Variants in TSPAN9 observed in about 807,000 individuals in gnomAD.
The protein encoded by TSPAN9 is tetraspanin 9.
In TSPAN9, 16 loss-of-function variants were observed where a neutral mutation model predicts 31.0. The ratio of observed to expected loss-of-function variants is 0.52; its 90% CI spans 0.35 to 0.78. TSPAN9 has a LOEUF of 0.78. Ranked by LOEUF, TSPAN9 falls within the 30% of genes least tolerant of loss-of-function variation. TSPAN9 has a pLI of 0.01. For missense variants in TSPAN9, 272 were observed against 312.5 expected (o/e 0.87, Z 0.98); for synonymous variants, 145 against 121.6 (o/e 1.19, Z -1.27).
chr12:3,136,309 G>A (rs1394687088), intron 2 of TSPAN9, among the ~76,000 whole-genome samples: 1 of 152,204 alleles, frequency 6.6e-6, no homozygotes, highest in Non-Finnish European at 1.5e-5. Context: ...GCTGGCTCCA[G>A]AGTCCCGGGA....
At position 3,089,513 on chromosome 12, in the gene TSPAN9, T is replaced by C. The variant is rs902578479; in HGVS notation, c.-18+5794T>C. On this transcript the variant is annotated intron_variant, in intron 2 of 8. Transcript: ENST00000011898. ...GGTTTTACCGTGTTGGCCAGGGTGG[T>C]CTCGATCTCCTGACCTCGTGATCCG... Among the ~76,000 whole-genome samples, 8 of 151,734 alleles carry C rather than the reference T, an allele frequency of 5.3e-5. 1 individual carries two copies. Among genetic ancestry groups the C allele is most frequent in the Non-Finnish European group, 8.8e-5 (6 of 67,958 alleles).
intron 3 of TSPAN9, among the ~76,000 whole-genome samples, chr12:3,275,237 G>C (rs1311077830): frequency 1.3e-5 from 2 of 152,136 alleles, no homozygotes; most frequent in Non-Finnish European, 2.9e-5. Flanking sequence ...CTCGGAAGGG[G>C]CCCCCCGCTG....
Position 3,278,428 on chromosome 12 carries a change from G to A in TSPAN9, c.71G>A (p.Gly24Asp). 1 of 1,614,152 alleles carries A rather than the reference G, an allele frequency of 6.2e-7. No homozygotes were observed. The highest frequency in any genetic ancestry group is 8.5e-7 in the Non-Finnish European group (1 of 1,180,010). ...GCTTTCCTTCCTTTCCAGCTCTGTG[G>A]CTGTGGGCTGCTGGGAGTGGGCATC... ...FLFNLIFWLC[G>D]CGLLGVGIWL... The change falls in exon 4 of 9, where the codon GGC becomes GAC. Residue 24 changes from glycine to aspartate, a missense_variant. Transcript: ENST00000011898.
At chr12:3,234,347 A>G (rs1205319052) in intron 3 of TSPAN9, among the ~76,000 whole-genome samples, 2 of 152,190 alleles carry the variant, frequency 1.3e-5, no homozygotes, top group African/African-American at 4.8e-5. Flanking sequence ...TCTCAGGTGC[A>G]CTTAACAGCT....
chr12:3,242,164 C>T (rs1040233643), intron 3 of TSPAN9, among the ~76,000 whole-genome samples: 6 of 152,230 alleles, frequency 3.9e-5, no homozygotes, highest in African/African-American at 1.4e-4. Flanking sequence ...TTGTTCCCAG[C>T]AGGGAGAAGC....
chr12:3,282,181 A>G (rs10082966), intron 8 of TSPAN9: 68,995 of 599,874 alleles, frequency 0.12, 4,285 homozygotes, highest in African/African-American at 0.17. Context: ...CACATGGCAC[A>G]CTCTCTGTGG....
At chr12:3,209,675 G>C (rs117144468) in intron 3 of TSPAN9, among the ~76,000 whole-genome samples, 13 of 150,312 alleles carry the variant, frequency 8.6e-5, no homozygotes, top group African/African-American at 2.4e-4. Flanking sequence ...GTTTCTAAGC[G>C]TGGGCCGGGC....
In TSPAN9 at chr12:3,280,315, G is replaced by A; in HGVS notation, c.331-67G>A. On this transcript the variant is annotated intron_variant, in intron 5 of 8. Transcript: ENST00000011898. This position sits in a 1 kb window ranked among gnomAD's most constrained non-coding sequence, Gnocchi z 4.5. Reference sequence around the variant, plus strand: ...TGTCACCCACCATCCTGGGTGACCTGAGGTGGGCTGGAGAGACGAGCTGCG... The same window carrying A: ...TGTCACCCACCATCCTGGGTGACCTAAGGTGGGCTGGAGAGACGAGCTGCG... The A allele has an allele frequency of 6.9e-7, 1 of 1,445,952 alleles. No individual in the cohort carries two copies. The highest frequency in any genetic ancestry group is 9.6e-7 in the Non-Finnish European group (1 of 1,036,678). The allele number at this position is 1,445,952 out of a possible 1,614,324, so 89.6% of individuals were successfully genotyped here. A position where few individuals can be genotyped will look rare whatever the true frequency, so the allele number is the denominator to read the frequency against.
chr12:3,250,565 C>CTCTAGAG (rs1226186348), intron 3 of TSPAN9, among the ~76,000 whole-genome samples: 1 of 152,186 alleles, frequency 6.6e-6, no homozygotes, highest in Non-Finnish European at 1.5e-5. Flanking sequence ...TTCCTCTAGA[C>CTCTAGAG]CTGCCCACAG....
rs1261981828 is a variant in TSPAN9, at chr12:3,168,118, G to A, written c.-17-33059G>A. Among the ~76,000 whole-genome samples the A allele has an allele frequency of 2.6e-5, 4 of 152,132 alleles. No homozygotes were observed. Among genetic ancestry groups the A allele is most frequent in the Non-Finnish European group, 4.4e-5 (3 of 68,016 alleles). On this transcript the variant is annotated intron_variant, in intron 2 of 8. Coordinates refer to ENST00000011898, the MANE Select transcript of TSPAN9 (RefSeq NM_006675.5). The surrounding 1 kb of genome is among the most constrained non-coding windows in gnomAD (Gnocchi z 4.0). ...TCTGTGCCACAGAAGCCCAGGCCGG[G>A]GGAGACCACACCACCGTTCCACCGT...
chr12:3,278,764 C>T, intron 4 of TSPAN9, 152 bp downstream of exon 4: 1 of 1,143,310 alleles, frequency 8.7e-7, no homozygotes, highest in Non-Finnish European at 1.2e-6. Context: ...TGACCACACC[C>T]CTCCTCCTCA....
intron 2 of TSPAN9, among the ~76,000 whole-genome samples, chr12:3,111,691 G>A (rs1272138455): frequency 6.8e-6 from 1 of 147,572 alleles, no homozygotes; most frequent in Non-Finnish European, 1.5e-5. Flanking sequence ...TTGGCTTACT[G>A]CAGCCTCCGC....
At chr12:3,269,686 G>C (rs1862634391) in intron 3 of TSPAN9, among the ~76,000 whole-genome samples, 1 of 152,238 alleles carries the variant, frequency 6.6e-6, no homozygotes, top group Non-Finnish European at 1.5e-5. Context: ...TTGCAGTCTA[G>C]AGGCCACATC....
At chr12:3,103,035 G>C (rs897440051) in intron 2 of TSPAN9, among the ~76,000 whole-genome samples, 1 of 152,224 alleles carries the variant, frequency 6.6e-6, no homozygotes, top group African/African-American at 2.4e-5. Context: ...CTGCCTCCTA[G>C]TTTCCAGCTG....
Position 3,281,245 on chromosome 12 carries a change from G to A in TSPAN9, c.480G>A (p.Leu160=). The A allele has an allele frequency of 6.4e-7, 1 of 1,551,366 alleles. No homozygotes were observed. Among genetic ancestry groups the A allele is most frequent in the Non-Finnish European group, 8.7e-7 (1 of 1,146,992 alleles). Reference sequence around the variant, plus strand: ...ACTACACAGACTGGTACCCAGTGCTGGGGGAGAACACGGTTCCCGACCGCT... The same window carrying A: ...ACTACACAGACTGGTACCCAGTGCTAGGGGAGAACACGGTTCCCGACCGCT... ...VTDYTDWYPV[L]GENTVPDRCC... is the part of the protein sequence containing the mutation. The change falls in exon 7 of 9, where the codon CTG becomes CTA. Residue 160 remains leucine, a synonymous_variant. Transcript: ENST00000011898.
At chr12:3,210,876 G>A (rs2098378310) in intron 3 of TSPAN9, among the ~76,000 whole-genome samples, 1 of 151,872 alleles carries the variant, frequency 6.6e-6, no homozygotes, top group Non-Finnish European at 1.5e-5. Flanking sequence ...CTCCTGAGTA[G>A]CTCAAACTAT....
intron 3 of TSPAN9, among the ~76,000 whole-genome samples, chr12:3,244,297 G>C (rs972673080): frequency 6.6e-6 from 1 of 152,112 alleles, no homozygotes; most frequent in Admixed American, 6.5e-5. Flanking sequence ...TCCTCCCCCT[G>C]CACTTCCCTT....
intron 2 of TSPAN9, among the ~76,000 whole-genome samples, chr12:3,124,417 T>C (rs1212681232): frequency 3.3e-5 from 5 of 152,148 alleles, no homozygotes; most frequent in Non-Finnish European, 5.9e-5. Flanking sequence ...AAATTAGTTA[T>C]ATAAATTTTG....
intron 2 of TSPAN9, among the ~76,000 whole-genome samples, chr12:3,110,171 T>C (rs1195805576): frequency 6.6e-6 from 1 of 152,032 alleles, no homozygotes; most frequent in African/African-American, 2.4e-5. Context: ...CCTTAGTCTG[T>C]GGACTGAGGA....
Sources: gnomAD v4.1 joint callset for allele counts (sites outside exome capture counted in the v4.1 genomes callset) on GRCh38, gnomAD v4.1.1 for gene constraint, Gnocchi (gnomAD v3.1) non-coding constraint, MANE v1.5 for transcripts, NCBI Gene and HGNC (gene_info 2026-07-23, HGNC 2026-07-21) for gene names.